The following FHIT variants were observed in gnomAD, a reference collection of about 807,000 sequenced individuals.
FHIT encodes fragile histidine triad diadenosine triphosphatase.
FHIT carries 19 observed loss-of-function variants against 17.9 expected under a neutral mutation model. The ratio of observed to expected loss-of-function variants is 1.06; its 90% CI spans 0.74 to 1.56. FHIT has a LOEUF of 1.56. Among genes scored for constraint, FHIT ranks in the 40% most tolerant of loss-of-function variants. The probability of loss-of-function intolerance (pLI) is 0.00; values close to 1 mark genes in which losing one functional copy is unlikely to be tolerated. For missense variants in FHIT, 248 were observed against 189.2 expected, an observed-to-expected ratio of 1.31 and a Z score of -1.82; for synonymous variants, 81 against 69.7, an observed-to-expected ratio of 1.16 and a Z score of -0.81.
intron 5 of FHIT, among the ~76,000 whole-genome samples, chr3:60,055,519 G>T (rs1437212286): frequency 2.0e-5 from 3 of 150,688 alleles, no homozygotes; most frequent in African/African-American, 7.3e-5. Flanking sequence ...CATAAAGATG[G>T]TGCAGTTCAG....
intron 5 of FHIT, among the ~76,000 whole-genome samples, chr3:60,120,898 T>C (rs985332980): frequency 6.6e-6 from 1 of 152,068 alleles, no homozygotes; most frequent in African/African-American, 2.4e-5. Context: ...TACACTGTTA[T>C]CAGTCTTCAC....
At chr3:60,115,817 G>A (rs746729958) in intron 5 of FHIT, among the ~76,000 whole-genome samples, 3 of 151,912 alleles carry the variant, frequency 2.0e-5, no homozygotes, top group Non-Finnish European at 1.5e-5. Context: ...GTACAAACAC[G>A]AATAGGTATT....
intron 4 of FHIT, among the ~76,000 whole-genome samples, chr3:60,591,318 C>T (rs1193484331): frequency 2.0e-5 from 3 of 152,010 alleles, no homozygotes; most frequent in African/African-American, 7.2e-5. Flanking sequence ...TTTGGAGGCC[C>T]ACCTTCTCTT....
intron 7 of FHIT, among the ~76,000 whole-genome samples, chr3:60,000,767 A>T (rs1361345842): frequency 6.6e-6 from 1 of 152,150 alleles, no homozygotes; most frequent in East Asian, 1.9e-4. Context: ...GAGTATCATC[A>T]AAACATCAAA....
At chr3:60,528,194 C>G (rs1330295536) in intron 5 of FHIT, among the ~76,000 whole-genome samples, 1 of 152,158 alleles carries the variant, frequency 6.6e-6, no homozygotes, top group African/African-American at 2.4e-5. Flanking sequence ...TGGTCTGAAA[C>G]TCCTGGTCTC....
intron 3 of FHIT, among the ~76,000 whole-genome samples, chr3:61,041,411 C>T (rs778486451): frequency 3.3e-5 from 5 of 151,740 alleles, no homozygotes; most frequent in Non-Finnish European, 5.9e-5. Flanking sequence ...ACCGAGAATC[C>T]GCACCTCCTA....
chr3:60,660,402 T>A (rs2040212446), intron 4 of FHIT, among the ~76,000 whole-genome samples: 1 of 152,028 alleles, frequency 6.6e-6, no homozygotes, highest in Admixed American at 6.6e-5. Context: ...TGCCTGCGAG[T>A]GGGGTATGAG....
chr3:60,028,088 G>C (rs1178151044), intron 5 of FHIT, among the ~76,000 whole-genome samples: 1 of 152,104 alleles, frequency 6.6e-6, no homozygotes, highest in Non-Finnish European at 1.5e-5. Context: ...CAAATTTATG[G>C]TAACAAGGAG....
chr3:60,904,314 C>G (rs978769652), intron 3 of FHIT, among the ~76,000 whole-genome samples: 6 of 151,982 alleles, frequency 3.9e-5, no homozygotes, highest in African/African-American at 1.2e-4. Context: ...TGGAATTAAT[C>G]CTTTGAGTTC....
At chr3:60,641,217 C>G (rs536914559) in intron 4 of FHIT, among the ~76,000 whole-genome samples, 1 of 152,044 alleles carries the variant, frequency 6.6e-6, no homozygotes, top group South Asian at 2.1e-4. Flanking sequence ...TACATGTGCT[C>G]AAGTATAGGT....
At chr3:61,161,099 T>C (rs1448454731) in intron 2 of FHIT, among the ~76,000 whole-genome samples, 1 of 151,476 alleles carries the variant, frequency 6.6e-6, no homozygotes. Context: ...GGATTTTTTA[T>C]TTTTTAACTT....
At chr3:60,101,850 C>T (rs150744743) in intron 5 of FHIT, among the ~76,000 whole-genome samples, 7 of 152,224 alleles carry the variant, frequency 4.6e-5, no homozygotes, top group East Asian at 3.9e-4. Context: ...GCAAGGCACA[C>T]TGAGCCACTT....
intron 8 of FHIT, among the ~76,000 whole-genome samples, chr3:59,851,991 T>A (rs1304201650): frequency 1.3e-5 from 2 of 152,214 alleles, no homozygotes; most frequent in Admixed American, 1.3e-4. Context: ...GAGTCTCAGT[T>A]TAGTAGAGAT....
intron 8 of FHIT, among the ~76,000 whole-genome samples, chr3:59,823,569 A>G (rs891728306): frequency 2.0e-5 from 3 of 151,976 alleles, no homozygotes; most frequent in Non-Finnish European, 4.4e-5. Flanking sequence ...AATGTGATAC[A>G]CCACAAAAAC....
In FHIT at chr3:60,423,075, A is replaced by G. The variant is rs914681170; in HGVS notation, c.103+113785T>C. 3.9e-5 allele frequency among the ~76,000 whole-genome samples: 6 copies of G among 152,316 alleles called. No individual in the cohort carries two copies. The East Asian group carries it at 1.2e-3, about 29-fold the overall frequency. On this transcript the variant is annotated intron_variant, in intron 5 of 9. Coordinates refer to ENST00000492590, the MANE Select transcript of FHIT (RefSeq NM_002012.4). Reference sequence around the variant, plus strand: ...TATAGAAGTTCTCATTCCCCTAGACATACCCAACGGAACAGGCAGCCTCAA... The same window carrying G: ...TATAGAAGTTCTCATTCCCCTAGACGTACCCAACGGAACAGGCAGCCTCAA...
Position 59,859,156 on chromosome 3 carries a change from G to A in FHIT, c.348+63190C>T, listed in dbSNP as rs537777873. On this transcript the variant is annotated intron_variant, in intron 8 of 9. Coordinates refer to ENST00000492590, the MANE Select transcript of FHIT (RefSeq NM_002012.4). ...TTTTTGTACCAGAATATAAAGAAAT[G>A]CTCAAAGAATGATGGGGAGATCTGG... Among the ~76,000 whole-genome samples the A allele has an allele frequency of 2.6e-5, 4 of 152,264 alleles. No homozygotes were observed. The East Asian group carries it at 7.7e-4, about 29-fold the overall frequency.
intron 4 of FHIT, among the ~76,000 whole-genome samples, chr3:60,748,829 A>T (rs1197536379): frequency 1.3e-5 from 2 of 152,264 alleles, no homozygotes; most frequent in East Asian, 3.9e-4. Flanking sequence ...AACAACAAAA[A>T]TCATATCTAG....
At chr3:60,562,369 G>A (rs1281357940) in intron 4 of FHIT, among the ~76,000 whole-genome samples, 1 of 152,126 alleles carries the variant, frequency 6.6e-6, no homozygotes, top group African/African-American at 2.4e-5. Context: ...TAATGCCATT[G>A]AGAGTGAGTG....
intron 3 of FHIT, among the ~76,000 whole-genome samples, chr3:60,955,633 T>TATATACAC (rs1272864632): frequency 0.012 from 459 of 39,248 alleles, 13 homozygotes; most frequent in African/African-American, 0.03. Flanking sequence ...TATATATATA[T>TATATACAC]ACACACACAC....
Sources: gnomAD v4.1 joint callset for allele counts (sites outside exome capture counted in the v4.1 genomes callset) on GRCh38, gnomAD v4.1.1 for gene constraint, MANE v1.5 for transcripts, NCBI Gene and HGNC (gene_info 2026-07-23, HGNC 2026-07-21) for gene names.